DPP6: variants seen among roughly 807,000 people sequenced by gnomAD.
DPP6 encodes A-type potassium channel modulatory protein DPP6.
Under a neutral mutation model 122.6 loss-of-function variants are expected in DPP6, and 69 were observed. The ratio of observed to expected loss-of-function variants is 0.56; its 90% CI spans 0.46 to 0.69. DPP6 has a LOEUF of 0.69. DPP6 is among the 30% of genes least tolerant of loss of function. The pLI, the probability that DPP6 is intolerant of heterozygous loss-of-function variation, is 0.00. For missense variants in DPP6, 928 were observed against 1,116.9 expected (o/e 0.83, Z 2.41); for synonymous variants, 418 against 433.1 (o/e 0.97, Z 0.43).
intron 1 of DPP6, among the ~76,000 whole-genome samples, chr7:154,003,044 G>A (rs534446682): frequency 5.3e-4 from 80 of 152,234 alleles, no homozygotes; most frequent in African/African-American, 1.8e-3. Flanking sequence ...GAGGGCAAAA[G>A]GATGAAGTGT....
chr7:154,664,599 T>C (rs1838026115), intron 6 of DPP6, among the ~76,000 whole-genome samples: 1 of 152,092 alleles, frequency 6.6e-6, no homozygotes, highest in South Asian at 2.1e-4. Flanking sequence ...TTTACTAATT[T>C]ATTTGTTTGT....
chr7:154,588,010 G>A (rs775339340), intron 5 of DPP6: 5 of 1,612,696 alleles, frequency 3.1e-6, no homozygotes, highest in East Asian at 2.2e-5. Flanking sequence ...CAGGTGTGAG[G>A]CATCGCATCT....
At chr7:154,216,373 CA>C (rs1160692570) in intron 1 of DPP6, among the ~76,000 whole-genome samples, 1 of 152,162 alleles carries the variant, frequency 6.6e-6, no homozygotes, top group African/African-American at 2.4e-5. Flanking sequence ...CTTGAGGATG[CA>C]TAATCAAGGG....
chr7:154,571,323 T>C (rs1831096460), intron 5 of DPP6, among the ~76,000 whole-genome samples: 1 of 152,150 alleles, frequency 6.6e-6, no homozygotes, highest in Admixed American at 6.5e-5. Context: ...AAATGCATTA[T>C]CTAAGATCAT....
In DPP6 at chr7:154,481,417, C is replaced by G. The variant is rs1373305590; in HGVS notation, c.457+6380C>G. ...TCAGTCACTGGCTAATTTCCATGTC[C>G]ACTGCAGTATCTTACATTCACCTCA... On this transcript the variant is annotated intron_variant, in intron 3 of 25. Coordinates refer to ENST00000377770, the MANE Select transcript of DPP6 (RefSeq NM_130797.4). The surrounding 1 kb of genome is among the most constrained non-coding windows in gnomAD (Gnocchi z 4.2). Among the ~76,000 whole-genome samples, 1 of 150,144 alleles carries G rather than the reference C, an allele frequency of 6.7e-6. No homozygotes were observed. The highest frequency in any genetic ancestry group is 1.5e-5 in the Non-Finnish European group (1 of 67,836).
intron 1 of DPP6, among the ~76,000 whole-genome samples, chr7:154,264,129 T>G (rs1284630962): frequency 6.6e-6 from 1 of 152,232 alleles, no homozygotes; most frequent in Non-Finnish European, 1.5e-5. Context: ...GGTTATGTTG[T>G]GCTGCAAAGT....
chr7:153,750,037 G>A, the DPP6 span, among the ~76,000 whole-genome samples: 2 of 152,076 alleles, frequency 1.3e-5, no homozygotes, highest in African/African-American at 4.8e-5. Context: ...CTACTTGTTG[G>A]GGTTTGGGGC....
chr7:154,706,402 C>T (rs995237573), intron 7 of DPP6, among the ~76,000 whole-genome samples: 1 of 152,200 alleles, frequency 6.6e-6, no homozygotes, highest in Non-Finnish European at 1.5e-5. Flanking sequence ...CCAGACAAGA[C>T]CCTCAGGGTG....
At position 154,060,808 on chromosome 7, in the gene DPP6, C is replaced by A. The variant is rs1320013503; in HGVS notation, c.243+7745C>A. ...ACGCCCATCACAGGAGGGGGACGCA[C>A]CCCCCATGAGGCAGGGACTGAGAGC... On this transcript the variant is annotated intron_variant, in intron 1 of 25. Coordinates refer to ENST00000377770, the MANE Select transcript of DPP6 (RefSeq NM_130797.4). Among the ~76,000 whole-genome samples, 13 of 127,534 alleles carry A rather than the reference C, an allele frequency of 1.0e-4. No homozygotes were observed. In the East Asian group the frequency reaches 2.7e-3, roughly 27 times the overall value. The allele number at this position is 127,534 out of a possible 152,430, so 83.7% of individuals were successfully genotyped here. A position where few individuals can be genotyped will look rare whatever the true frequency, so the allele number is the denominator to read the frequency against.
At chr7:154,030,199 GAAATT>G (rs959632922) in intron 1 of DPP6, among the ~76,000 whole-genome samples, 14 of 152,276 alleles carry the variant, frequency 9.2e-5, no homozygotes, top group African/African-American at 3.1e-4. Context: ...CTGTCTAAAA[GAAATT>G]AAATAAGTAG....
chr7:154,200,158 C>T (rs1799095476), intron 1 of DPP6, among the ~76,000 whole-genome samples: 1 of 152,080 alleles, frequency 6.6e-6, no homozygotes, highest in Admixed American at 6.5e-5. Context: ...CAGGGTGTAG[C>T]TTGGCTTTGG....
At chr7:154,423,206 C>T (rs1245012382) in intron 1 of DPP6, among the ~76,000 whole-genome samples, 1 of 152,146 alleles carries the variant, frequency 6.6e-6, no homozygotes, top group Non-Finnish European at 1.5e-5. Flanking sequence ...TCCATTTGTA[C>T]AGCAGTGACT....
chr7:154,439,420 A>T (rs1819174479), intron 1 of DPP6, among the ~76,000 whole-genome samples: 1 of 152,180 alleles, frequency 6.6e-6, no homozygotes, highest in South Asian at 2.1e-4. Flanking sequence ...TTTTCTGTGG[A>T]TGATCAGGTC....
At chr7:153,855,219 C>T in the DPP6 span, among the ~76,000 whole-genome samples, 1 of 149,968 alleles carries the variant, frequency 6.7e-6, no homozygotes, top group African/African-American at 2.5e-5. Flanking sequence ...GCACATGTAC[C>T]CTAAAACTTA....
intron 5 of DPP6, among the ~76,000 whole-genome samples, chr7:154,609,134 A>G (rs548975685): frequency 6.6e-6 from 1 of 152,162 alleles, no homozygotes; most frequent in Non-Finnish European, 1.5e-5. Context: ...ATTTATCTTC[A>G]CTTCTGGCAT....
Position 154,665,421 on chromosome 7 carries a change from A to G in DPP6, c.681-3939A>G, listed in dbSNP as rs142445987. Among the ~76,000 whole-genome samples the G allele has an allele frequency of 2.6e-3, 396 of 152,252 alleles. 2 individuals are homozygous for G. The highest frequency in any genetic ancestry group is 8.8e-3 in the Admixed American group (135 of 15,288). On this transcript the variant is annotated intron_variant, in intron 6 of 25. Transcript: ENST00000377770. ...CATTAATTTTTGTTGTTGTTGATCAAACTGTTCTAGTATGAGTCATTAGAA... is the reference window on the plus strand; with the variant it reads ...CATTAATTTTTGTTGTTGTTGATCAGACTGTTCTAGTATGAGTCATTAGAA...
chr7:153,942,836 T>C (rs765565326), intron 1 of DPP6, among the ~76,000 whole-genome samples: 1 of 152,212 alleles, frequency 6.6e-6, no homozygotes, highest in Non-Finnish European at 1.5e-5. Context: ...TCAGCACTTT[T>C]ACCTGTCGCC....
At chr7:154,773,378 G>T (rs1796367171) in intron 10 of DPP6, among the ~76,000 whole-genome samples, 1 of 152,178 alleles carries the variant, frequency 6.6e-6, no homozygotes, top group Non-Finnish European at 1.5e-5. Flanking sequence ...CTCCCAGTTG[G>T]TAAGGTCGCA....
At chr7:154,207,207 T>G (rs937912781) in intron 1 of DPP6, among the ~76,000 whole-genome samples, 1 of 152,236 alleles carries the variant, frequency 6.6e-6, no homozygotes. Flanking sequence ...ATCCAGGGCT[T>G]AATACAAGCA....
Sources: allele counts gnomAD v4.1 joint callset (sites outside exome capture counted in the v4.1 genomes callset), GRCh38; gene constraint gnomAD v4.1.1; non-coding constraint Gnocchi (gnomAD v3.1); transcripts MANE v1.5; gene names NCBI Gene and HGNC (gene_info 2026-07-23, HGNC 2026-07-21).